The following TMEM132B variants were observed in gnomAD, a reference collection of about 807,000 sequenced individuals.
TMEM132B encodes transmembrane protein 132B.
Under a neutral mutation model 90.8 loss-of-function variants are expected in TMEM132B, and 18 were observed. The ratio of observed to expected loss-of-function variants is 0.20; its 90% CI spans 0.14 to 0.29. The LOEUF (loss-of-function observed/expected upper bound fraction) is 0.29, where lower values mean the gene tolerates loss of function less well. Among genes scored for constraint, TMEM132B ranks in the 10% least tolerant of loss-of-function variants. The pLI, the probability that TMEM132B is intolerant of heterozygous loss-of-function variation, is 1.00. For missense variants in TMEM132B, 1,096 were observed against 1,326.8 expected, an observed-to-expected ratio of 0.83 and a Z score of 2.70; for synonymous variants, 504 against 523.3, an observed-to-expected ratio of 0.96 and a Z score of 0.50.
At position 125,349,510 on chromosome 12, in the gene TMEM132B, C is replaced by T; in HGVS notation, c.126C>T (p.Tyr42=). ...AGAAGTTTTCCTCGCTCCCTGCTTACCTCCCCACGAACTTGCACATCTCCA... is the reference window on the plus strand; with the variant it reads ...AGAAGTTTTCCTCGCTCCCTGCTTATCTCCCCACGAACTTGCACATCTCCA... The part of the protein sequence containing the change: ...SLQKFSSLPA[Y]LPTNLHISNA... Residue 42 remains tyrosine (Y), a synonymous_variant, in exon 2 of 9, where the codon TAC becomes TAT. Transcript: ENST00000682704. The surrounding 1 kb of genome is among the most constrained non-coding windows in gnomAD (Gnocchi z 4.1). 6.2e-7 allele frequency: 1 copy of T among 1,614,124 alleles called. No homozygotes were observed. The highest frequency in any genetic ancestry group is 1.3e-5 in the African/African-American group (1 of 75,044).
chr12:125,653,849 T>C lies in TMEM132B; in HGVS notation c.2391T>C (p.Ser797=). 6 of 1,614,144 alleles carry C rather than the reference T, an allele frequency of 3.7e-6. No individual in the cohort carries two copies. The highest frequency in any genetic ancestry group is 3.3e-4 in the Middle Eastern group (2 of 6,062). ...ATGTCAAGGTCAAATTCGAACCAAG[T>C]AGTGATGAGCACCAAGGAGGCAGCA... ...KGNVKVKFEP[S]SDEHQGGSND... is the part of the protein sequence containing the mutation. The change falls in exon 9 of 9, where the codon AGT becomes AGC. Residue 797 remains serine, a synonymous_variant. Transcript: ENST00000682704.
At chr12:125,554,393 C>G (rs1366315082) in intron 4 of TMEM132B, among the ~76,000 whole-genome samples, 1 of 134,142 alleles carries the variant, frequency 7.5e-6, no homozygotes, top group Non-Finnish European at 1.5e-5. Context: ...CCACTGCACT[C>G]TAGCCTGGGC....
intron 3 of TMEM132B, among the ~76,000 whole-genome samples, chr12:125,452,820 T>C (rs922696894): frequency 1.3e-5 from 2 of 152,232 alleles, no homozygotes; most frequent in African/African-American, 2.4e-5. Flanking sequence ...TAGCTGATTT[T>C]TCATTATTGA....
chr12:125,262,199 A>G (rs1200238864), intron 1 of TMEM132B, among the ~76,000 whole-genome samples: 1 of 148,752 alleles, frequency 6.7e-6, no homozygotes, highest in Non-Finnish European at 1.5e-5. Context: ...GCTTAATGGC[A>G]GGAGTTTGAG....
chr12:125,580,781 T>A (rs1885037810), intron 4 of TMEM132B, among the ~76,000 whole-genome samples: 1 of 152,178 alleles, frequency 6.6e-6, no homozygotes, highest in Non-Finnish European at 1.5e-5. Context: ...CACCCTAACG[T>A]GCAACATTAA....
chr12:125,493,639 G>A (rs1024910660), intron 3 of TMEM132B, among the ~76,000 whole-genome samples: 1 of 152,134 alleles, frequency 6.6e-6, no homozygotes, highest in African/African-American at 2.4e-5. Context: ...GCTTCTGGCT[G>A]GGCGCTGCCA....
intron 1 of TMEM132B, among the ~76,000 whole-genome samples, chr12:125,283,723 A>AGATGCATTCC (rs1875266449): frequency 6.6e-6 from 1 of 152,252 alleles, no homozygotes; most frequent in African/African-American, 2.4e-5. Flanking sequence ...AGACCAAGGC[A>AGATGCATTCC]GATGCATTCC....
At chr12:125,257,803 G>T (rs1176045138) in intron 1 of TMEM132B, among the ~76,000 whole-genome samples, 1 of 152,164 alleles carries the variant, frequency 6.6e-6, no homozygotes, top group Non-Finnish European at 1.5e-5. Flanking sequence ...CTGGGATGAT[G>T]TGGCCACAAG....
At chr12:125,487,877 G>A (rs1489226531) in intron 3 of TMEM132B, among the ~76,000 whole-genome samples, 1 of 151,870 alleles carries the variant, frequency 6.6e-6, no homozygotes, top group Non-Finnish European at 1.5e-5. Flanking sequence ...AACTTCTATT[G>A]GACTTGAGTT....
At chr12:125,432,017 C>T (rs1279771985) in intron 3 of TMEM132B, among the ~76,000 whole-genome samples, 2 of 151,772 alleles carry the variant, frequency 1.3e-5, no homozygotes, top group South Asian at 2.1e-4. Flanking sequence ...GCCCTTTTTC[C>T]TGTGCTAGGG....
chr12:125,586,077 C>T (rs1157656443), intron 5 of TMEM132B: 1 of 152,204 alleles, frequency 6.6e-6, no homozygotes, highest in Non-Finnish European at 1.5e-5. Context: ...ATCCCAGGGA[C>T]ATCCTCAAAT....
At chr12:125,595,868 C>A (rs914674033) in intron 5 of TMEM132B, among the ~76,000 whole-genome samples, 1 of 114,224 alleles carries the variant, frequency 8.8e-6, no homozygotes, top group African/African-American at 5.0e-5. Flanking sequence ...TTTCTCAGGG[C>A]GGCTTTTTTT....
chr12:125,226,757 G>A (rs1873689736), intron 1 of TMEM132B, among the ~76,000 whole-genome samples: 1 of 152,136 alleles, frequency 6.6e-6, no homozygotes, highest in South Asian at 2.1e-4. Context: ...TTATTGGATT[G>A]GTCATTCCTT....
Position 125,519,500 on chromosome 12 carries a change from C to G in TMEM132B, c.1168C>G (p.Leu390Val), listed in dbSNP as rs768206189. The change falls in exon 4 of 9, where the codon CTG becomes GTG. Residue 390 changes from leucine (L) to valine (V), a missense_variant. By Grantham distance (32) the Leu-to-Val change is conservative. Coordinates refer to ENST00000682704, the MANE Select transcript of TMEM132B (RefSeq NM_001366854.1). ...VDFGIDNSSD[L>V]AGAQQITWQV... ...CTTTGGAATTGATAATAGCAGTGAC[C>G]TGGCTGGGGCCCAGCAGATTACCTG... 6 of 1,613,948 alleles carry G rather than the reference C, an allele frequency of 3.7e-6. No individual in the cohort carries two copies. In the African/African-American group the frequency reaches 8.0e-5, roughly 22 times the overall value.
chr12:125,516,672 C>G (rs1355632161), intron 3 of TMEM132B, among the ~76,000 whole-genome samples: 1 of 152,170 alleles, frequency 6.6e-6, no homozygotes, highest in Non-Finnish European at 1.5e-5. Flanking sequence ...TACCCCAGGA[C>G]CAGAGTATGA....
intron 2 of TMEM132B, among the ~76,000 whole-genome samples, chr12:125,412,991 T>C (rs1297915421): frequency 1.3e-5 from 2 of 151,980 alleles, no homozygotes; most frequent in African/African-American, 2.4e-5. Context: ...CAGTGACTTT[T>C]TGGGGCGTGC....
intron 1 of TMEM132B, among the ~76,000 whole-genome samples, chr12:125,254,934 C>T (rs1874401550): frequency 6.6e-6 from 1 of 152,160 alleles, no homozygotes; most frequent in Non-Finnish European, 1.5e-5. Context: ...ATCCACCCGC[C>T]TCAGCCTCCC....
At chr12:125,287,700 T>C (rs1016188816) in intron 1 of TMEM132B, among the ~76,000 whole-genome samples, 7 of 152,196 alleles carry the variant, frequency 4.6e-5, no homozygotes, top group African/African-American at 1.7e-4. Context: ...GTAACCACTT[T>C]ACAGTTCTAG....
At chr12:125,355,206 C>A (rs969073370) in intron 2 of TMEM132B, among the ~76,000 whole-genome samples, 2 of 151,986 alleles carry the variant, frequency 1.3e-5, no homozygotes, top group African/African-American at 2.4e-5. Context: ...ATGAAGACCA[C>A]CCAAATGAGA....
Sources: allele counts gnomAD v4.1 joint callset (sites outside exome capture counted in the v4.1 genomes callset), GRCh38; gene constraint gnomAD v4.1.1; non-coding constraint Gnocchi (gnomAD v3.1); transcripts MANE v1.5; gene names NCBI Gene and HGNC (gene_info 2026-07-23, HGNC 2026-07-21).